CCDC152: variants seen among roughly 807,000 people sequenced by gnomAD.
CCDC152 encodes coiled-coil domain-containing protein 152.
A neutral mutation model predicts 38.1 loss-of-function variants in CCDC152; 37 were observed. The observed-to-expected ratio is 0.97, with a 90% CI of 0.75 to 1.28. The LOEUF (loss-of-function observed/expected upper bound fraction) is 1.28, where lower values mean the gene tolerates loss of function less well. Among genes scored for constraint, CCDC152 ranks in the 50% most tolerant of loss-of-function variants. The probability of loss-of-function intolerance (pLI) is 0.00; values close to 1 mark genes in which losing one functional copy is unlikely to be tolerated. For synonymous variants in CCDC152, 83 were observed against 87.1 expected (o/e 0.95, Z 0.26); for missense variants, 259 against 292.1 (o/e 0.89, Z 0.83).
chr5:42,770,257 A>G (rs1759679303), intron 4 of CCDC152, among the ~76,000 whole-genome samples: 1 of 152,170 alleles, frequency 6.6e-6, no homozygotes, highest in African/African-American at 2.4e-5. Flanking sequence ...GGCCCCTTCC[A>G]CATAAAACTC....
chr5:42,785,811 AT>A (rs1013339819), intron 6 of CCDC152, among the ~76,000 whole-genome samples: 7 of 151,870 alleles, frequency 4.6e-5, no homozygotes, highest in Non-Finnish European at 8.8e-5. Context: ...TTCAATGCCT[AT>A]TTTTTAGGGT....
chr5:42,797,673 A>T lies in CCDC152; in HGVS notation c.558+717A>T, dbSNP rs369799035. ...CTCATCCCAGCCGAAATTTGTCAAA[A>T]CCCAGTAACCAACTAGAAATTTATT... On this transcript the variant is annotated intron_variant, in intron 7 of 8. Coordinates refer to ENST00000361970, the MANE Select transcript of CCDC152 (RefSeq NM_001134848.2). Among the ~76,000 whole-genome samples, 133 of 152,244 alleles carry T rather than the reference A, an allele frequency of 8.7e-4. 5 individuals carry two copies. In the South Asian group the frequency reaches 0.027, roughly 31 times the overall value.
At chr5:42,784,619 C>G (rs1759895020) in intron 6 of CCDC152, among the ~76,000 whole-genome samples, 1 of 151,860 alleles carries the variant, frequency 6.6e-6, no homozygotes, top group Non-Finnish European at 1.5e-5. Context: ...TCCGATTTGT[C>G]TATTTTTGTT....
chr5:42,759,227 C>T lies in CCDC152; in HGVS notation c.87+19C>T, dbSNP rs1561270699. The T allele has an allele frequency of 1.4e-6, 2 of 1,470,188 alleles. No individual in the cohort carries two copies. Among genetic ancestry groups the T allele is most frequent in the Admixed American group, 2.0e-5 (1 of 50,224 alleles). The allele number at this position is 1,470,188 out of a possible 1,614,324, so 91.1% of individuals were successfully genotyped here. On this transcript the variant is annotated intron_variant, in intron 2 of 8. Coordinates refer to ENST00000361970, the MANE Select transcript of CCDC152 (RefSeq NM_001134848.2). ...AGAAAAGGTATGTAAAGATAGAAAA[C>T]AATTCTACTATATAGGGATACATGG...
At chr5:42,789,734 C>T (rs1158665184) in intron 6 of CCDC152, among the ~76,000 whole-genome samples, 1 of 152,092 alleles carries the variant, frequency 6.6e-6, no homozygotes, top group Non-Finnish European at 1.5e-5. Flanking sequence ...AAGCAGATCT[C>T]ATAAGCCTAT....
At chr5:42,790,160 G>A (rs1033858060) in intron 6 of CCDC152, among the ~76,000 whole-genome samples, 2 of 152,182 alleles carry the variant, frequency 1.3e-5, no homozygotes, top group African/African-American at 4.8e-5. Context: ...TATTTGGACA[G>A]TTACTATCCC....
Position 42,800,929 on chromosome 5 carries a change from C to T in CCDC152, c.*1148C>T, listed in dbSNP as rs765165734. 1.2e-6 allele frequency: 2 copies of T among 1,614,200 alleles called. No homozygotes were observed. Among genetic ancestry groups the T allele is most frequent in the South Asian group, 1.1e-5 (1 of 91,086 alleles). The stretch of plus-strand genomic sequence containing the variant: ...TTACACTGTCAGGTGATTGCAGACC[C>T]TGTTTTTTCAAATATCAGATGTCGA... On this transcript the variant is annotated 3_prime_UTR_variant, in exon 9 of 9. Transcript: ENST00000361970.
At chr5:42,761,425 G>C (rs1290071646) in intron 2 of CCDC152, among the ~76,000 whole-genome samples, 2 of 152,120 alleles carry the variant, frequency 1.3e-5, no homozygotes, top group African/African-American at 4.8e-5. Flanking sequence ...GACCAGCCTG[G>C]GCAACATGGT....
rs117955489 is a variant in CCDC152, at chr5:42,766,851, A to G, written c.194-2746A>G. ...AATAAGACCTACTATTCGTTAGCAC[A>G]GTAAGGTGACTACAGTCAATAATAA... On this transcript the variant is annotated intron_variant, in intron 3 of 8. Transcript: ENST00000361970. Among the ~76,000 whole-genome samples the G allele has an allele frequency of 1.3e-3, 193 of 151,504 alleles. 4 individuals are homozygous for G. The East Asian group carries it at 0.035, about 28-fold the overall frequency.
chr5:42,792,837 T>G (rs1030192964), intron 6 of CCDC152, among the ~76,000 whole-genome samples: 4 of 152,132 alleles, frequency 2.6e-5, no homozygotes, highest in Non-Finnish European at 4.4e-5. Context: ...CAGTAATGGA[T>G]TTTAGAGTGC....
Position 42,799,360 on chromosome 5 carries a change from T to C in CCDC152, c.559-15T>C. The C allele has an allele frequency of 7.2e-7, 1 of 1,385,768 alleles. No individual in the cohort carries two copies. 85.8% of individuals were successfully genotyped at this position (1,385,768 alleles called of 1,614,324 possible). On this transcript the variant is annotated splice_polypyrimidine_tract_variant and intron_variant, in intron 7 of 8. Coordinates refer to ENST00000361970, the MANE Select transcript of CCDC152 (RefSeq NM_001134848.2). The stretch of plus-strand genomic sequence containing the variant: ...TGTCTAGAGTTTCAATAACTTTCTT[T>C]TCAATTTGATTCAGTTTGATGCCAA...
At chr5:42,790,198 C>T (rs138537065) in intron 6 of CCDC152, among the ~76,000 whole-genome samples, 43 of 152,226 alleles carry the variant, frequency 2.8e-4, no homozygotes, top group East Asian at 1.2e-3. Flanking sequence ...GGGCCAGGCA[C>T]GGTGGCTCAC....
intron 5 of CCDC152, among the ~76,000 whole-genome samples, chr5:42,781,988 C>T (rs1759853276): frequency 6.6e-6 from 1 of 152,162 alleles, no homozygotes; most frequent in Non-Finnish European, 1.5e-5. Flanking sequence ...AAATAACTGT[C>T]TTCCATCACC....
chr5:42,757,676 C>T lies in CCDC152; in HGVS notation c.-3+791C>T, dbSNP rs989108191. ...ATGAAGATACCTAGAAATGAATTGC[C>T]TGGCTCTGCCATTATGGCAAAAGGG... On this transcript the variant is annotated intron_variant, in intron 1 of 8. Transcript: ENST00000361970. Among the ~76,000 whole-genome samples the T allele has an allele frequency of 3.3e-5, 5 of 152,130 alleles. No homozygotes were observed. In the South Asian group the frequency reaches 1.0e-3, roughly 32 times the overall value.
At chr5:42,759,940 G>A (rs935149300) in intron 2 of CCDC152, among the ~76,000 whole-genome samples, 2 of 152,086 alleles carry the variant, frequency 1.3e-5, no homozygotes, top group Non-Finnish European at 2.9e-5. Flanking sequence ...ACTATCTGTG[G>A]TTTCAGGCAT....
Position 42,779,508 on chromosome 5 carries a change from A to G in CCDC152, c.313A>G (p.Lys105Glu). ...TGCTGATCTTATAAAAGAGAAGTTA[A>G]AGTCTCATGAACAGGTGAGTTTATG... ...ISADLIKEKL[K>E]SHEQEYKNNI... is the part of the protein sequence containing the mutation. The change falls in exon 5 of 9, where the codon AAG becomes GAG. Residue 105 changes from lysine (K) to glutamate (E), a missense_variant. Coordinates refer to ENST00000361970, the MANE Select transcript of CCDC152 (RefSeq NM_001134848.2). The G allele has an allele frequency of 6.6e-7, 1 of 1,511,692 alleles. No individual in the cohort carries two copies. Among genetic ancestry groups the G allele is most frequent in the Non-Finnish European group, 9.0e-7 (1 of 1,110,976 alleles). 93.6% of individuals were successfully genotyped at this position (1,511,692 alleles called of 1,614,324 possible).
At chr5:42,780,371 G>C (rs548724301) in intron 5 of CCDC152, among the ~76,000 whole-genome samples, 13 of 152,130 alleles carry the variant, frequency 8.5e-5, no homozygotes, top group African/African-American at 3.1e-4. Context: ...ATTTTGAGAT[G>C]GTTTTTAAGT....
chr5:42,761,677 T>A (rs986820295), intron 2 of CCDC152, among the ~76,000 whole-genome samples: 3 of 152,166 alleles, frequency 2.0e-5, no homozygotes, highest in African/African-American at 2.4e-5. Flanking sequence ...ATCTCCCAGA[T>A]AATAGTACTA....
chr5:42,799,131 T>G (rs1037642756), intron 7 of CCDC152, among the ~76,000 whole-genome samples: 3 of 152,094 alleles, frequency 2.0e-5, no homozygotes, highest in African/African-American at 7.2e-5. Context: ...TTTGGTACTT[T>G]AGAAACAAAG....
Sources: allele counts gnomAD v4.1 joint callset (sites outside exome capture counted in the v4.1 genomes callset), GRCh38; gene constraint gnomAD v4.1.1; transcripts MANE v1.5; gene names NCBI Gene and HGNC (gene_info 2026-07-23, HGNC 2026-07-21).